The following BOLL variants were observed in gnomAD, a reference collection of about 807,000 sequenced individuals.
BOLL encodes the protein protein boule-like.
BOLL carries 23 observed loss-of-function variants against 44.4 expected under a neutral mutation model. The observed-to-expected ratio is 0.52, with a 90% CI of 0.37 to 0.73. The LOEUF is 0.73. Among genes scored for constraint, BOLL ranks in the 30% least tolerant of loss-of-function variants. The probability of loss-of-function intolerance (pLI) is 0.00; values close to 1 mark genes in which losing one functional copy is unlikely to be tolerated. For synonymous variants in BOLL, 97 were observed against 110.8 expected (o/e 0.88, Z 0.78); for missense variants, 287 against 338.3 (o/e 0.85, Z 1.19).
intron 9 of BOLL, among the ~76,000 whole-genome samples, chr2:197,752,362 C>G (rs1574831271): frequency 6.6e-6 from 1 of 152,208 alleles, no homozygotes; most frequent in East Asian, 1.9e-4. Context: ...GTCAAACTAT[C>G]TCTGTTTGCA....
chr2:197,731,104 AAAGGATGGAGG>A (rs1255942816), intron 10 of BOLL, among the ~76,000 whole-genome samples: 6 of 152,160 alleles, frequency 3.9e-5, no homozygotes, highest in Non-Finnish European at 1.5e-5. Context: ...GCTCAAAATA[AAAGGATGGAGG>A]AAGACCTACC....
chr2:197,729,658 G>A (rs1020785471), intron 10 of BOLL, among the ~76,000 whole-genome samples: 11 of 152,216 alleles, frequency 7.2e-5, no homozygotes, highest in Non-Finnish European at 1.3e-4. Flanking sequence ...CCTGACCCCT[G>A]ACCCCCAAGC....
intron 5 of BOLL, among the ~76,000 whole-genome samples, chr2:197,772,310 T>C (rs1689304034): frequency 6.6e-6 from 1 of 152,034 alleles, no homozygotes; most frequent in Non-Finnish European, 1.5e-5. Context: ...ATCAGCGAAG[T>C]AATTATTTGT....
At chr2:197,747,564 C>A (rs560327843) in intron 9 of BOLL, among the ~76,000 whole-genome samples, 40 of 110,798 alleles carry the variant, frequency 3.6e-4, no homozygotes, top group African/African-American at 1.4e-3. Context: ...GCCTGGGCGA[C>A]AGAGCGAGAC....
At chr2:197,757,650 G>T (rs1688578659) in intron 7 of BOLL, among the ~76,000 whole-genome samples, 1 of 151,980 alleles carries the variant, frequency 6.6e-6, no homozygotes, top group South Asian at 2.1e-4. Flanking sequence ...TAAAATTATG[G>T]TTCCAAAAGC....
rs1222440369 is a variant in BOLL, at chr2:197,756,563, T to C, written c.601-7A>G. On this transcript the variant is annotated splice_polypyrimidine_tract_variant and splice_region_variant and intron_variant, in intron 8 of 10. Transcript: ENST00000392296. ...GAGCAGAAGAGGCAGAAGGCTAAAA[T>C]ACAAAACCATATTTCTAATTCAAAT... 2 of 1,590,626 alleles carry C rather than the reference T, an allele frequency of 1.3e-6. No homozygotes were observed. Among genetic ancestry groups the C allele is most frequent in the Admixed American group, 1.8e-5 (1 of 57,138 alleles).
chr2:197,775,297 C>T (rs1558995755), intron 5 of BOLL, among the ~76,000 whole-genome samples: 1 of 151,816 alleles, frequency 6.6e-6, no homozygotes, highest in Non-Finnish European at 1.5e-5. Context: ...AATATTTTTA[C>T]TCTGATTAAT....
Position 197,728,471 on chromosome 2 carries a change from C to T in BOLL, c.*84G>A. 3 of 1,606,382 alleles carry T rather than the reference C, an allele frequency of 1.9e-6. No homozygotes were observed. Among genetic ancestry groups the T allele is most frequent in the South Asian group, 1.1e-5 (1 of 90,846 alleles). ...AAGTTTCACAACGGGCAGCTTCTAG[C>T]TGGTTCGTTGAAGCTGGATCTCGGC... On this transcript the variant is annotated 3_prime_UTR_variant, in exon 11 of 11. Coordinates refer to ENST00000392296, the MANE Select transcript of BOLL (RefSeq NM_033030.6).
chr2:197,766,282 C>T (rs1398647446), intron 7 of BOLL, among the ~76,000 whole-genome samples: 1 of 152,112 alleles, frequency 6.6e-6, no homozygotes, highest in Non-Finnish European at 1.5e-5. Flanking sequence ...AACTAATTTA[C>T]ACTCCAACCA....
Position 197,728,320 on chromosome 2 carries a change from C to A in BOLL, c.*235G>T. On this transcript the variant is annotated 3_prime_UTR_variant, in exon 11 of 11. Transcript: ENST00000392296. ...GAAAAGGTCATTACAGTTAGGTTAG[C>A]ACATAAAAAACCAACATGCCACATC... The A allele has an allele frequency of 3.3e-6, 2 of 598,782 alleles. No homozygotes were observed. Among genetic ancestry groups the A allele is most frequent in the South Asian group, 2.2e-5 (1 of 44,620 alleles). 37.1% of individuals were successfully genotyped at this position (598,782 alleles called of 1,614,324 possible).
At chr2:197,781,665 T>G in intron 2 of BOLL, 57 bp downstream of exon 2, 1 of 1,355,916 alleles carries the variant, frequency 7.4e-7, no homozygotes. Flanking sequence ...AAATAATTTC[T>G]GAGAAATAAA....
In BOLL at chr2:197,743,147, G is replaced by A. The variant is rs2106326961; in HGVS notation, c.742C>T (p.His248Tyr). ...TGGTGATATGTTGCTTGAACTCCATGATCAGAATAAGGCTATTACAAAAAA... is the reference window on the plus strand; with the variant it reads ...TGGTGATATGTTGCTTGAACTCCATAATCAGAATAAGGCTATTACAAAAAA... ...ETSVPEPYSDHGVQATYHQVY... is the reference protein window; with the variant it reads ...ETSVPEPYSDYGVQATYHQVY... Residue 248 changes from histidine (H) to tyrosine (Y), a missense_variant, in exon 10 of 11, where the codon CAT (histidine) becomes TAT (tyrosine). By Grantham distance (83) the His-to-Tyr change is moderately conservative. Coordinates refer to ENST00000392296, the MANE Select transcript of BOLL (RefSeq NM_033030.6). 6.3e-7 allele frequency: 1 copy of A among 1,599,978 alleles called. No homozygotes were observed. Among genetic ancestry groups the A allele is most frequent in the Non-Finnish European group, 8.5e-7 (1 of 1,172,984 alleles).
chr2:197,740,077 A>G (rs1331601792), intron 10 of BOLL, among the ~76,000 whole-genome samples: 1 of 152,184 alleles, frequency 6.6e-6, no homozygotes, highest in East Asian at 1.9e-4. Context: ...GGTTTTGACA[A>G]TATGTCAAAA....
intron 9 of BOLL, among the ~76,000 whole-genome samples, chr2:197,747,850 A>G (rs1242021895): frequency 6.6e-6 from 1 of 152,178 alleles, no homozygotes; most frequent in African/African-American, 2.4e-5. Context: ...AGAGAACTCA[A>G]ATAAGACCAC....
intron 9 of BOLL, among the ~76,000 whole-genome samples, chr2:197,754,582 C>A (rs748158190): frequency 1.3e-4 from 20 of 152,088 alleles, no homozygotes; most frequent in African/African-American, 4.6e-4. Flanking sequence ...GGCATGGTGG[C>A]ACGTGCCTGT....
intron 9 of BOLL, among the ~76,000 whole-genome samples, chr2:197,746,614 A>G (rs917975560): frequency 2.0e-5 from 3 of 152,184 alleles, no homozygotes; most frequent in Admixed American, 6.5e-5. Flanking sequence ...TCATAGAAGC[A>G]GAGAGGGCCA....
chr2:197,741,960 C>A (rs575999993), intron 10 of BOLL, among the ~76,000 whole-genome samples: 1 of 152,202 alleles, frequency 6.6e-6, no homozygotes, highest in African/African-American at 2.4e-5. Flanking sequence ...TGAACTCAAA[C>A]AAATTTACAA....
intron 2 of BOLL, among the ~76,000 whole-genome samples, chr2:197,779,831 C>T (rs533526056): frequency 1.1e-4 from 16 of 151,912 alleles, no homozygotes; most frequent in Admixed American, 8.5e-4. Context: ...ATTTCATTTC[C>T]TGGTTTAGCT....
At chr2:197,761,328 A>G (rs1688749001) in intron 7 of BOLL, among the ~76,000 whole-genome samples, 1 of 152,194 alleles carries the variant, frequency 6.6e-6, no homozygotes, top group Non-Finnish European at 1.5e-5. Context: ...AACTGAGAGA[A>G]TTTATCACCA....
Sources: gnomAD v4.1 joint callset for allele counts (sites outside exome capture counted in the v4.1 genomes callset) on GRCh38, gnomAD v4.1.1 for gene constraint, MANE v1.5 for transcripts, NCBI Gene and HGNC (gene_info 2026-07-23, HGNC 2026-07-21) for gene names.